The following FAM47E variants were observed in gnomAD, a reference collection of about 807,000 sequenced individuals.
FAM47E encodes the protein protein FAM47E.
In FAM47E, 32 loss-of-function variants were observed where a neutral mutation model predicts 41.6. The ratio of observed to expected loss-of-function variants is 0.77; its 90% CI spans 0.58 to 1.03. The LOEUF (loss-of-function observed/expected upper bound fraction) is 1.03. FAM47E is among the 50% of genes least tolerant of loss of function. FAM47E has a pLI of 0.00. For missense variants in FAM47E, 424 were observed against 485.4 expected (o/e 0.87, Z 1.19); for synonymous variants, 184 against 188.7 (o/e 0.98, Z 0.20).
intron 2 of FAM47E, chr4:76,217,715 A>G (rs997177384): frequency 2.9e-5 from 16 of 545,954 alleles, no homozygotes; most frequent in African/African-American, 7.5e-5. Context: ...ACAAACAGAC[A>G]AGGGCGGAAA....
chr4:76,254,546 G>T (rs577980891), intron 1 of FAM47E, among the ~76,000 whole-genome samples: 2 of 152,066 alleles, frequency 1.3e-5, no homozygotes, highest in African/African-American at 4.8e-5. Flanking sequence ...AGTAGAGTTG[G>T]GTTAAGCCCT....
intron 2 of FAM47E, among the ~76,000 whole-genome samples, chr4:76,239,669 C>T (rs767565326): frequency 6.6e-6 from 1 of 152,128 alleles, no homozygotes. Flanking sequence ...TTCTCCCATT[C>T]TGTGGGTTGC....
Position 76,268,687 on chromosome 4 carries a change from A to AG in FAM47E, c.590dup (p.Gln198ProfsTer5). The stretch of plus-strand genomic sequence containing the variant: ...CCAAGAAGACGTCTGTGTCAAACGC[A>AG]GGCCAATGGCTTTATGAAGAAAAGC... On this transcript the variant is annotated frameshift_variant, in exon 4 of 8. Coordinates refer to ENST00000424749, the MANE Select transcript of FAM47E (RefSeq NM_001136570.3). LOFTEE classifies it high-confidence loss of function. 1 of 1,551,390 alleles carries AG rather than the reference A, an allele frequency of 6.4e-7. No individual in the cohort carries two copies. The highest frequency in any genetic ancestry group is 1.4e-5 in the African/African-American group (1 of 73,148).
intron 1 of FAM47E, among the ~76,000 whole-genome samples, chr4:76,254,213 G>T (rs1367235870): frequency 6.6e-6 from 1 of 151,574 alleles, no homozygotes; most frequent in Non-Finnish European, 1.5e-5. Flanking sequence ...AACATTCTAT[G>T]AAGTTTCAGC....
At chr4:76,255,920 G>A (rs1486729725) in intron 1 of FAM47E, among the ~76,000 whole-genome samples, 1 of 152,126 alleles carries the variant, frequency 6.6e-6, no homozygotes, top group Non-Finnish European at 1.5e-5. Flanking sequence ...TTTTGCAAGG[G>A]AGACCAGTGA....
chr4:76,256,965 T>TCATGGG (rs1734220214), intron 2 of FAM47E, among the ~76,000 whole-genome samples: 1 of 152,124 alleles, frequency 6.6e-6, no homozygotes, highest in Admixed American at 6.5e-5. Flanking sequence ...ACCAGAAAGG[T>TCATGGG]CATGGGGAAA....
chr4:76,268,253 A>C lies in FAM47E; in HGVS notation c.561-407A>C, dbSNP rs913721042. 2.8e-5 allele frequency: 5 copies of C among 177,828 alleles called. 1 individual carries two copies. In the South Asian group the frequency reaches 6.3e-4, roughly 22 times the overall value. The allele number at this position is 177,828 out of a possible 1,614,324, so 11.0% of individuals were successfully genotyped here. ...GCAGTCCAGAGAAGGAGACAGTTAC[A>C]ATCTGCCAGACCTTAACTGAGCTGG... On this transcript the variant is annotated intron_variant, in intron 3 of 7. Coordinates refer to ENST00000424749, the MANE Select transcript of FAM47E (RefSeq NM_001136570.3).
chr4:76,276,399 G>A (rs1735116870), intron 5 of FAM47E, among the ~76,000 whole-genome samples: 1 of 107,990 alleles, frequency 9.3e-6, no homozygotes, highest in Admixed American at 9.0e-5. Context: ...GGGAGACAGC[G>A]TCTCACTCTG....
chr4:76,229,510 A>G (rs1733457030), intron 2 of FAM47E, among the ~76,000 whole-genome samples: 1 of 152,206 alleles, frequency 6.6e-6, no homozygotes, highest in Non-Finnish European at 1.5e-5. Context: ...GCCGCTGTTC[A>G]GATTCTTTTG....
At chr4:76,247,910 CTTTT>C (rs753751295), upstream of FAM47E, among the ~76,000 whole-genome samples, 69 of 86,844 alleles carry the variant, frequency 7.9e-4, no homozygotes, top group Admixed American at 1.6e-3. Flanking sequence ...CACTCTCTCT[CTTTT>C]TTTTTTTTTT....
chr4:76,268,485 G>T lies in FAM47E; in HGVS notation c.561-175G>T, dbSNP rs1007419729. ...CTAATCATGATATACTTGTCTTTAT[G>T]ATATTCGTAATGAGAATGTGCTCTT... On this transcript the variant is annotated intron_variant, in intron 3 of 7. Coordinates refer to ENST00000424749, the MANE Select transcript of FAM47E (RefSeq NM_001136570.3). 51 of 587,006 alleles carry T rather than the reference G, an allele frequency of 8.7e-5. No individual in the cohort carries two copies. The African/African-American group carries it at 9.3e-4, about 11-fold the overall frequency. 36.4% of individuals were successfully genotyped at this position (587,006 alleles called of 1,614,324 possible).
chr4:76,234,287 G>T, intron 2 of FAM47E: 1 of 152,628 alleles, frequency 6.6e-6, no homozygotes. Flanking sequence ...GAGAGGTTTT[G>T]AGTCATTTCA....
At chr4:76,216,740 G>C (rs1401501014) in intron 1 of FAM47E, among the ~76,000 whole-genome samples, 1 of 152,146 alleles carries the variant, frequency 6.6e-6, no homozygotes, top group African/African-American at 2.4e-5. Flanking sequence ...TAAAACTCTG[G>C]ACAAGCCGAA....
upstream of FAM47E, among the ~76,000 whole-genome samples, chr4:76,246,823 A>T (rs1275098879): frequency 6.6e-6 from 1 of 152,146 alleles, no homozygotes; most frequent in East Asian, 1.9e-4. Context: ...AACATTAAAA[A>T]CATACTTCTT....
At chr4:76,232,766 A>T (rs1583943) in intron 2 of FAM47E, among the ~76,000 whole-genome samples, 1 of 152,164 alleles carries the variant, frequency 6.6e-6, no homozygotes, top group African/African-American at 2.4e-5. Flanking sequence ...CAGGTATCAG[A>T]AAAGACAATT....
chr4:76,226,103 C>T (rs1432511903), intron 2 of FAM47E, among the ~76,000 whole-genome samples: 11 of 83,472 alleles, frequency 1.3e-4, no homozygotes, highest in East Asian at 6.2e-4. Context: ...CTATGAAGTC[C>T]GACGGAGTCA....
At chr4:76,222,727 G>A (rs1425058298) in intron 2 of FAM47E, among the ~76,000 whole-genome samples, 2 of 152,166 alleles carry the variant, frequency 1.3e-5, no homozygotes, top group East Asian at 3.9e-4. Context: ...TGAGCAAAAG[G>A]TAAATATTAC....
At chr4:76,222,685 T>C (rs983760279) in intron 2 of FAM47E, among the ~76,000 whole-genome samples, 1 of 152,242 alleles carries the variant, frequency 6.6e-6, no homozygotes, top group Non-Finnish European at 1.5e-5. Context: ...CTTGTCACTG[T>C]TGAAGTTCTC....
At chr4:76,271,807 A>G (rs1438186521) in intron 5 of FAM47E, 39 bp downstream of exon 5, 6 of 1,536,322 alleles carry the variant, frequency 3.9e-6, no homozygotes, top group Non-Finnish European at 5.3e-6. Context: ...ATCAAAGAAA[A>G]TTAAGTTGTA....
Sources: gnomAD v4.1 joint callset for allele counts (sites outside exome capture counted in the v4.1 genomes callset) on GRCh38, gnomAD v4.1.1 for gene constraint, MANE v1.5 for transcripts, NCBI Gene and HGNC (gene_info 2026-07-23, HGNC 2026-07-21) for gene names.